The following DLGAP2 variants were observed in gnomAD, a reference collection of about 807,000 sequenced individuals.
The protein encoded by DLGAP2 is DLG associated protein 2.
In DLGAP2, 26 loss-of-function variants were observed where a neutral mutation model predicts 100.3. The ratio of observed to expected loss-of-function variants is 0.26; its 90% CI spans 0.19 to 0.36. DLGAP2 has a LOEUF of 0.36. Ranked by LOEUF, DLGAP2 falls within the 10% of genes least tolerant of loss-of-function variation. DLGAP2 has a pLI of 1.00. For missense variants in DLGAP2, 1,858 were observed against 1,453.2 expected (o/e 1.28, Z -4.53); for synonymous variants, 886 against 630.1 (o/e 1.41, Z -6.08).
chr8:1,282,002 T>C (rs1286985876), intron 3 of DLGAP2, among the ~76,000 whole-genome samples: 3 of 151,234 alleles, frequency 2.0e-5, no homozygotes, highest in Non-Finnish European at 4.4e-5. Context: ...CCCTGAACCA[T>C]CCAGACATGG....
intron 1 of DLGAP2, among the ~76,000 whole-genome samples, chr8:823,741 C>T (rs1324154621): frequency 1.3e-5 from 2 of 152,106 alleles, no homozygotes; most frequent in Non-Finnish European, 2.9e-5. Flanking sequence ...TTGTCTTGCA[C>T]TTTGGGAAGT....
At chr8:1,577,566 TCAA>T (rs1563232400) in intron 6 of DLGAP2, among the ~76,000 whole-genome samples, 1 of 53,608 alleles carries the variant, frequency 1.9e-5, no homozygotes, top group Non-Finnish European at 3.0e-5. Context: ...ACACTCTCTC[TCAA>T]AAAAAAAAAA....
chr8:1,598,595 G>C (rs534230673), intron 6 of DLGAP2, among the ~76,000 whole-genome samples: 1 of 152,140 alleles, frequency 6.6e-6, no homozygotes, highest in African/African-American at 2.4e-5. Context: ...AGTCTTGGGA[G>C]GGTGTATGTT....
intron 2 of DLGAP2, among the ~76,000 whole-genome samples, chr8:1,220,061 A>G (rs1434683706): frequency 6.6e-6 from 1 of 152,076 alleles, no homozygotes; most frequent in Non-Finnish European, 1.5e-5. Context: ...AAAAAAACCA[A>G]CTTATGGTTT....
chr8:1,472,559 G>A (rs1798832307), intron 3 of DLGAP2, among the ~76,000 whole-genome samples: 1 of 152,334 alleles, frequency 6.6e-6, no homozygotes, highest in Non-Finnish European at 1.5e-5. Context: ...CCGAGTGCCA[G>A]CAGTGGAGAC....
chr8:1,110,712 GC>G (rs1262853752), intron 2 of DLGAP2, among the ~76,000 whole-genome samples: 1 of 125,786 alleles, frequency 8.0e-6, no homozygotes, highest in Non-Finnish European at 1.6e-5. Context: ...AAGATTTATA[GC>G]CTTTTTTTTT....
At chr8:1,328,957 C>G (rs976399120) in intron 3 of DLGAP2, among the ~76,000 whole-genome samples, 3 of 152,218 alleles carry the variant, frequency 2.0e-5, no homozygotes, top group African/African-American at 7.2e-5. Flanking sequence ...CTCTGAGTAG[C>G]TGTGTTATGA....
chr8:860,184 G>T (rs1213467457), intron 1 of DLGAP2, among the ~76,000 whole-genome samples: 1 of 152,186 alleles, frequency 6.6e-6, no homozygotes, highest in Non-Finnish European at 1.5e-5. Context: ...TCTTGTGGTA[G>T]CCTTACAGAC....
chr8:1,224,428 A>T (rs1176073914), intron 2 of DLGAP2, among the ~76,000 whole-genome samples: 1 of 152,238 alleles, frequency 6.6e-6, no homozygotes, highest in East Asian at 1.9e-4. Context: ...ATACATATTT[A>T]TGTACAAGTT....
chr8:880,395 C>A (rs1585966735), intron 1 of DLGAP2, among the ~76,000 whole-genome samples: 1 of 152,264 alleles, frequency 6.6e-6, no homozygotes, highest in African/African-American at 2.4e-5. Flanking sequence ...CACTCACACA[C>A]AGAGGGTTCT....
intron 2 of DLGAP2, among the ~76,000 whole-genome samples, chr8:985,806 A>T (rs58789891): frequency 6.6e-6 from 1 of 152,104 alleles, no homozygotes; most frequent in African/African-American, 2.4e-5. Flanking sequence ...AGAGTGAGGG[A>T]TGTGTGGTTC....
intron 3 of DLGAP2, among the ~76,000 whole-genome samples, chr8:1,427,699 C>T (rs1202914702): frequency 3.3e-5 from 5 of 152,158 alleles, no homozygotes; most frequent in Non-Finnish European, 5.9e-5. Flanking sequence ...GGGAGTTTCC[C>T]TGTACAAGCT....
intron 4 of DLGAP2, among the ~76,000 whole-genome samples, chr8:1,529,349 A>G (rs369522598): frequency 5.3e-5 from 8 of 152,252 alleles, no homozygotes; most frequent in Admixed American, 2.0e-4. Context: ...GATTATAGGG[A>G]TTGTCATTGA....
intron 1 of DLGAP2, among the ~76,000 whole-genome samples, chr8:787,193 C>T (rs1202800100): frequency 6.6e-6 from 1 of 152,200 alleles, no homozygotes; most frequent in Non-Finnish European, 1.5e-5. Flanking sequence ...TCAGCTGGTC[C>T]TTCCTTTGAA....
At chr8:1,315,443 C>T (rs1224024485) in intron 3 of DLGAP2, among the ~76,000 whole-genome samples, 5 of 131,916 alleles carry the variant, frequency 3.8e-5, no homozygotes, top group Admixed American at 2.2e-4. Context: ...GCGAGTGCAG[C>T]GTCTCTCCAA....
chr8:1,329,131 C>A (rs1445238472), intron 3 of DLGAP2, among the ~76,000 whole-genome samples: 1 of 152,202 alleles, frequency 6.6e-6, no homozygotes, highest in Non-Finnish European at 1.5e-5. Flanking sequence ...GTGACAGATT[C>A]AAATGTATGC....
intron 4 of DLGAP2, among the ~76,000 whole-genome samples, chr8:1,509,937 G>A (rs969589904): frequency 6.6e-6 from 1 of 152,110 alleles, no homozygotes; most frequent in Non-Finnish European, 1.5e-5. Context: ...TGGAGGACGC[G>A]GCCGCGGAGA....
intron 1 of DLGAP2, among the ~76,000 whole-genome samples, chr8:826,706 C>T (rs557158470): frequency 7.2e-5 from 11 of 152,140 alleles, no homozygotes; most frequent in Non-Finnish European, 1.5e-4. Flanking sequence ...GTGCTTCACT[C>T]GGTCATGCTG....
At chr8:1,312,846 G>A (rs1435654255) in intron 3 of DLGAP2, among the ~76,000 whole-genome samples, 3 of 152,226 alleles carry the variant, frequency 2.0e-5, no homozygotes, top group Non-Finnish European at 2.9e-5. Flanking sequence ...AAATGAACGC[G>A]AGTGTCCATC....
Sources: gnomAD v4.1 joint callset for allele counts (sites outside exome capture counted in the v4.1 genomes callset) on GRCh38, gnomAD v4.1.1 for gene constraint, MANE v1.5 for transcripts, NCBI Gene and HGNC (gene_info 2026-07-23, HGNC 2026-07-21) for gene names.